Variants in COMMD10 observed in about 807,000 individuals in gnomAD.
COMMD10 encodes COMM domain containing 10.
In COMMD10, 33 loss-of-function variants were observed where a neutral mutation model predicts 28.9. The observed-to-expected ratio is 1.14, with a 90% CI of 0.87 to 1.53. The LOEUF is 1.53. COMMD10 is among the 40% of genes most tolerant of loss of function. The probability of loss-of-function intolerance (pLI) is 0.00; values close to 1 mark genes in which losing one functional copy is unlikely to be tolerated. For missense variants in COMMD10, 310 were observed against 233.4 expected (o/e 1.33, Z -2.14); for synonymous variants, 110 against 81.7 (o/e 1.35, Z -1.87).
chr5:116,197,680 C>G (rs1426900202), intron 5 of COMMD10, among the ~76,000 whole-genome samples: 3 of 152,278 alleles, frequency 2.0e-5, no homozygotes, highest in Non-Finnish European at 4.4e-5. Context: ...CCGTGCCTGG[C>G]CCCAGATTTT....
intron 5 of COMMD10, among the ~76,000 whole-genome samples, chr5:116,217,759 G>A (rs562117269): frequency 2.0e-5 from 3 of 152,086 alleles, no homozygotes; most frequent in African/African-American, 7.2e-5. Flanking sequence ...TCAAAGTCGC[G>A]GAATCCCTCC....
chr5:116,103,567 G>A (rs1367782451), intron 4 of COMMD10, among the ~76,000 whole-genome samples: 2 of 152,094 alleles, frequency 1.3e-5, no homozygotes, highest in Non-Finnish European at 2.9e-5. Context: ...TTAGCCCTTT[G>A]TCAGATGGAT....
intron 5 of COMMD10, among the ~76,000 whole-genome samples, chr5:116,139,500 A>T (rs988352247): frequency 2.0e-5 from 3 of 151,722 alleles, no homozygotes; most frequent in African/African-American, 4.8e-5. Flanking sequence ...ATAGAAATTT[A>T]AATCTTTTCA....
intron 4 of COMMD10, among the ~76,000 whole-genome samples, chr5:116,114,814 C>G (rs1209896867): frequency 6.6e-6 from 1 of 152,130 alleles, no homozygotes; most frequent in Non-Finnish European, 1.5e-5. Flanking sequence ...GCAGCTGATC[C>G]TGTAGTTTAG....
chr5:116,133,258 T>C (rs1029992588), intron 4 of COMMD10, among the ~76,000 whole-genome samples: 1 of 152,220 alleles, frequency 6.6e-6, no homozygotes, highest in South Asian at 2.1e-4. Context: ...CTTCTGAAGC[T>C]GGAGGCACCA....
At chr5:116,237,504 A>G (rs1440841542) in intron 5 of COMMD10, among the ~76,000 whole-genome samples, 1 of 152,166 alleles carries the variant, frequency 6.6e-6, no homozygotes, top group East Asian at 1.9e-4. Context: ...TTTAAAATGT[A>G]GATAAACGTT....
At chr5:116,203,414 G>C (rs1748724047) in intron 5 of COMMD10, among the ~76,000 whole-genome samples, 1 of 152,144 alleles carries the variant, frequency 6.6e-6, no homozygotes, top group South Asian at 2.1e-4. Flanking sequence ...TCCTTGAGAA[G>C]AGCAACTCCG....
intron 5 of COMMD10, among the ~76,000 whole-genome samples, chr5:116,194,604 T>C (rs1052622839): frequency 6.6e-6 from 1 of 151,994 alleles, no homozygotes; most frequent in Non-Finnish European, 1.5e-5. Flanking sequence ...TGCAACTCTC[T>C]TAGCTGCTTA....
At chr5:116,211,630 A>C (rs1184718999) in intron 5 of COMMD10, among the ~76,000 whole-genome samples, 1 of 152,126 alleles carries the variant, frequency 6.6e-6, no homozygotes, top group Non-Finnish European at 1.5e-5. Context: ...TGTATAAATA[A>C]ATTTCTAGTA....
chr5:116,141,633 T>G lies in COMMD10; in HGVS notation c.510+7455T>G, dbSNP rs571911372. On this transcript the variant is annotated intron_variant, in intron 5 of 6. Transcript: ENST00000274458. The stretch of plus-strand genomic sequence containing the variant: ...GAGCTTTCACTTCTTTAGCTATATT[T>G]ATTTATAGGCATTTTATTCTTTTTG... Among the ~76,000 whole-genome samples the G allele has an allele frequency of 2.0e-5, 3 of 152,002 alleles. No individual in the cohort carries two copies. In the East Asian group the frequency reaches 5.8e-4, roughly 29 times the overall value.
At chr5:116,116,428 A>G (rs1017702884) in intron 4 of COMMD10, among the ~76,000 whole-genome samples, 6 of 152,252 alleles carry the variant, frequency 3.9e-5, no homozygotes, top group Admixed American at 6.5e-5. Context: ...TTGAAACACA[A>G]TATGTAACTG....
At chr5:116,086,814 C>CA (rs1459084275) in intron 1 of COMMD10, among the ~76,000 whole-genome samples, 1 of 151,914 alleles carries the variant, frequency 6.6e-6, no homozygotes, top group Admixed American at 6.6e-5. Flanking sequence ...TCTGTCTCTA[C>CA]AAAAAATACA....
chr5:116,127,831 C>T (rs1488889531), intron 4 of COMMD10, among the ~76,000 whole-genome samples: 1 of 151,940 alleles, frequency 6.6e-6, no homozygotes, highest in Admixed American at 6.6e-5. Context: ...GTGTAAATGA[C>T]ATGTTAACGG....
At chr5:116,117,508 C>T (rs1224433406) in intron 4 of COMMD10, among the ~76,000 whole-genome samples, 3 of 152,156 alleles carry the variant, frequency 2.0e-5, no homozygotes, top group Non-Finnish European at 4.4e-5. Flanking sequence ...GTGGCCCAGG[C>T]TGGAGTGTGC....
intron 5 of COMMD10, among the ~76,000 whole-genome samples, chr5:116,187,180 G>T (rs1381023484): frequency 6.6e-6 from 1 of 152,056 alleles, no homozygotes. Flanking sequence ...TTTTCTTCCT[G>T]AATATATTAG....
At chr5:116,149,366 T>C (rs1415421902) in intron 5 of COMMD10, among the ~76,000 whole-genome samples, 8 of 142,566 alleles carry the variant, frequency 5.6e-5, no homozygotes, top group Non-Finnish European at 1.2e-4. Flanking sequence ...TTTGGGTATA[T>C]ACCGAGTAGT....
intron 5 of COMMD10, among the ~76,000 whole-genome samples, chr5:116,268,228 A>G (rs1347786701): frequency 6.6e-6 from 1 of 151,964 alleles, no homozygotes; most frequent in Non-Finnish European, 1.5e-5. Context: ...TCCAGAATCT[A>G]CAAAGAACTT....
At chr5:116,097,905 A>G (rs1294734500) in intron 4 of COMMD10, among the ~76,000 whole-genome samples, 1 of 152,112 alleles carries the variant, frequency 6.6e-6, no homozygotes, top group Admixed American at 6.6e-5. Context: ...ATGGTGCTAA[A>G]GCATTCATGA....
Position 116,293,072 on chromosome 5 carries a change from G to C in COMMD10, c.*583G>C, listed in dbSNP as rs1751414893. ...TCTGTCAACTTCAGTTTCTCTCTCA[G>C]TTTAATGATTTAATAATAGTCCAGG... On this transcript the variant is annotated 3_prime_UTR_variant, in exon 7 of 7. Coordinates refer to ENST00000274458, the MANE Select transcript of COMMD10 (RefSeq NM_016144.4). The C allele has an allele frequency of 2.5e-6, 1 of 397,032 alleles. No individual in the cohort carries two copies. Among genetic ancestry groups the C allele is most frequent in the South Asian group, 1.3e-4 (1 of 7,852 alleles). The allele number at this position is 397,032 out of a possible 1,614,324, so 24.6% of individuals were successfully genotyped here.
Sources: gnomAD v4.1 joint callset for allele counts (sites outside exome capture counted in the v4.1 genomes callset) on GRCh38, gnomAD v4.1.1 for gene constraint, MANE v1.5 for transcripts, NCBI Gene and HGNC (gene_info 2026-07-23, HGNC 2026-07-21) for gene names.